Variants in EYS observed in about 807,000 individuals in gnomAD.
EYS encodes protein eyes shut homolog.
Under a neutral mutation model 282.1 loss-of-function variants are expected in EYS, and 250 were observed. The observed-to-expected ratio is 0.89, with a 90% CI of 0.80 to 0.98. EYS has a LOEUF of 0.98. Ranked by LOEUF, EYS falls within the 50% of genes least tolerant of loss-of-function variation. EYS has a pLI of 0.00. For missense variants in EYS, 4,016 were observed against 3,709.0 expected, an observed-to-expected ratio of 1.08 and a Z score of -2.15; for synonymous variants, 1,355 against 1,282.9, an observed-to-expected ratio of 1.06 and a Z score of -1.20.
intron 12 of EYS, among the ~76,000 whole-genome samples, chr6:65,241,572 A>G (rs1356355762): frequency 1.3e-5 from 2 of 152,070 alleles, no homozygotes; most frequent in African/African-American, 2.4e-5. Flanking sequence ...ATTTATAATA[A>G]TTTATATCTG....
intron 12 of EYS, among the ~76,000 whole-genome samples, chr6:65,275,133 C>G (rs182504733): frequency 6.6e-6 from 1 of 152,132 alleles, no homozygotes; most frequent in African/African-American, 2.4e-5. Flanking sequence ...GTGCTCAAAA[C>G]GGCAGTGACA....
In EYS at chr6:64,781,449, C is replaced by T. The variant is rs539715576; in HGVS notation, c.3443+31929G>A. Among the ~76,000 whole-genome samples the T allele has an allele frequency of 1.1e-3, 167 of 151,950 alleles. 1 individual carries two copies. The South Asian group carries it at 0.032, about 29-fold the overall frequency. ...ACACTTATGGCCGGGCGGTGGCTCA[C>T]GCCTGTAATCCCAGCACTTTGGGAG... On this transcript the variant is annotated intron_variant, in intron 22 of 42. Coordinates refer to ENST00000503581, the MANE Select transcript of EYS (RefSeq NM_001142800.2).
At chr6:63,969,021 A>G (rs1291309927) in intron 35 of EYS, among the ~76,000 whole-genome samples, 1 of 152,228 alleles carries the variant, frequency 6.6e-6, no homozygotes, top group African/African-American at 2.4e-5. Flanking sequence ...GATGATGCAC[A>G]ATAATATATT....
chr6:64,908,190 GC>G (rs1767887793), intron 16 of EYS, among the ~76,000 whole-genome samples: 1 of 152,096 alleles, frequency 6.6e-6, no homozygotes, highest in South Asian at 2.1e-4. Flanking sequence ...TTATGCTCAA[GC>G]TTTTGGGGGA....
chr6:64,235,852 G>A (rs1766587884), intron 30 of EYS, among the ~76,000 whole-genome samples: 2 of 152,150 alleles, frequency 1.3e-5, no homozygotes, highest in African/African-American at 4.8e-5. Flanking sequence ...ACCAAAAAGA[G>A]TCCAGGACCA....
intron 26 of EYS, among the ~76,000 whole-genome samples, chr6:64,469,675 C>A (rs767624921): frequency 6.6e-6 from 1 of 152,034 alleles, no homozygotes; most frequent in Non-Finnish European, 1.5e-5. Flanking sequence ...CAAGGAAAAA[C>A]ACCCGCTACT....
chr6:65,272,567 C>G (rs1767934112), intron 12 of EYS, among the ~76,000 whole-genome samples: 1 of 152,092 alleles, frequency 6.6e-6, no homozygotes, highest in African/African-American at 2.4e-5. Context: ...CATTTCTGAA[C>G]AAACTCATCT....
At position 64,225,029 on chromosome 6, in the gene EYS, T is replaced by C. The variant is rs182330601; in HGVS notation, c.6424+5563A>G. Among the ~76,000 whole-genome samples the C allele has an allele frequency of 1.6e-3, 251 of 152,256 alleles. 1 individual carries two copies. Among genetic ancestry groups the C allele is most frequent in the Non-Finnish European group, 7.9e-4 (54 of 68,024 alleles). On this transcript the variant is annotated intron_variant, in intron 31 of 42. Coordinates refer to ENST00000503581, the MANE Select transcript of EYS (RefSeq NM_001142800.2). ...AATTTCAGACTGTCTCCTGGGACTCTGAATCTTGAGCAAGTGGCTCAGAAC... is the reference window on the plus strand; with the variant it reads ...AATTTCAGACTGTCTCCTGGGACTCCGAATCTTGAGCAAGTGGCTCAGAAC...
At chr6:64,211,708 T>A (rs1765780062) in intron 31 of EYS, among the ~76,000 whole-genome samples, 1 of 149,048 alleles carries the variant, frequency 6.7e-6, no homozygotes, top group Non-Finnish European at 1.5e-5. Flanking sequence ...TAGATTAATA[T>A]TTAAATTATA....
chr6:64,940,641 T>G lies in EYS; in HGVS notation c.2381+5152A>C, dbSNP rs12530239. 3.5e-3 allele frequency among the ~76,000 whole-genome samples: 532 copies of G among 152,198 alleles called. 6 individuals are homozygous for G. Among genetic ancestry groups the G allele is most frequent in the Admixed American group, 0.024 (373 of 15,256 alleles). ...CTGGGTCTTTTTATTTTTATATATC[T>G]TTAACTAATCCTAACTACTGGCATT... On this transcript the variant is annotated intron_variant, in intron 15 of 42. Transcript: ENST00000503581.
At chr6:64,488,789 A>G (rs951737447) in intron 26 of EYS, among the ~76,000 whole-genome samples, 1 of 151,004 alleles carries the variant, frequency 6.6e-6, no homozygotes, top group Non-Finnish European at 1.5e-5. Flanking sequence ...TCCATGGAAA[A>G]GTATATAGGC....
intron 34 of EYS, among the ~76,000 whole-genome samples, chr6:63,991,430 G>A (rs954114834): frequency 4.6e-5 from 7 of 151,548 alleles, no homozygotes; most frequent in Admixed American, 2.0e-4. Flanking sequence ...CAAAAAATTC[G>A]AAGTAACCAT....
intron 2 of EYS, among the ~76,000 whole-genome samples, chr6:65,504,147 C>T (rs927009231): frequency 6.6e-6 from 1 of 151,556 alleles, no homozygotes; most frequent in Non-Finnish European, 1.5e-5. Flanking sequence ...TAGTTTTCCA[C>T]ATATAGGTCA....
chr6:65,613,392 T>A (rs563853171), intron 2 of EYS, among the ~76,000 whole-genome samples: 8 of 152,006 alleles, frequency 5.3e-5, no homozygotes, highest in Admixed American at 1.3e-4. Context: ...TCACTGTTCA[T>A]CATAGTAATT....
chr6:65,681,969 A>G (rs1263367496), intron 1 of EYS, among the ~76,000 whole-genome samples: 1 of 151,960 alleles, frequency 6.6e-6, no homozygotes. Context: ...AACACAGCCT[A>G]ATCACGTTGA....
At chr6:64,777,081 A>C (rs943607650) in intron 22 of EYS, among the ~76,000 whole-genome samples, 1 of 152,196 alleles carries the variant, frequency 6.6e-6, no homozygotes, top group Non-Finnish European at 1.5e-5. Flanking sequence ...AAACCATCAC[A>C]TCTTATGATA....
At chr6:65,202,482 C>G (rs1249314983) in intron 12 of EYS, among the ~76,000 whole-genome samples, 1 of 152,122 alleles carries the variant, frequency 6.6e-6, no homozygotes, top group African/African-American at 2.4e-5. Flanking sequence ...AGCTTGACCC[C>G]TAGCGGCTAG....
chr6:63,770,397 C>A (rs1769901640), intron 40 of EYS, among the ~76,000 whole-genome samples: 1 of 152,048 alleles, frequency 6.6e-6, no homozygotes, highest in Admixed American at 6.6e-5. Flanking sequence ...TGAGCTGGAT[C>A]TGTAAAAAAG....
At chr6:64,399,748 G>A (rs942114761) in intron 28 of EYS, among the ~76,000 whole-genome samples, 5 of 151,758 alleles carry the variant, frequency 3.3e-5, no homozygotes, top group African/African-American at 1.2e-4. Flanking sequence ...TGAAATTTTG[G>A]TACCTGATGT....
Sources: gnomAD v4.1 joint callset for allele counts (sites outside exome capture counted in the v4.1 genomes callset) on GRCh38, gnomAD v4.1.1 for gene constraint, MANE v1.5 for transcripts, NCBI Gene and HGNC (gene_info 2026-07-23, HGNC 2026-07-21) for gene names.